RUSC2: variants seen among roughly 807,000 people sequenced by gnomAD.
RUSC2 encodes RUN and SH3 domain containing 2.
A neutral mutation model predicts 122.2 loss-of-function variants in RUSC2; 34 were observed. The ratio of observed to expected loss-of-function variants is 0.28; its 90% CI spans 0.21 to 0.37. RUSC2 has a LOEUF of 0.37. RUSC2 is among the 10% of genes least tolerant of loss of function. The pLI is 1.00. For synonymous variants in RUSC2, 784 were observed against 790.0 expected (o/e 0.99, Z 0.13); for missense variants, 1,747 against 1,952.4 (o/e 0.89, Z 1.98).
intron 1 of RUSC2, among the ~76,000 whole-genome samples, chr9:35,523,823 A>T (rs1023940078): frequency 3.9e-4 from 57 of 146,130 alleles, no homozygotes; most frequent in Non-Finnish European, 5.9e-4. Context: ...TCAAAAAATT[A>T]AAAAAAAAAA....
At chr9:35,504,646 G>T (rs1185557634) in intron 1 of RUSC2, among the ~76,000 whole-genome samples, 1 of 151,974 alleles carries the variant, frequency 6.6e-6, no homozygotes, top group Non-Finnish European at 1.5e-5. Flanking sequence ...TGTATTTTTA[G>T]TAGAGACAGG....
Position 35,548,740 on chromosome 9 carries a change from A to C in RUSC2, c.2014+205A>C. 2.0e-6 allele frequency: 2 copies of C among 985,268 alleles called. No individual in the cohort carries two copies. Among genetic ancestry groups the C allele is most frequent in the Non-Finnish European group, 2.4e-6 (2 of 829,848 alleles). The allele number at this position is 985,268 out of a possible 1,614,324, so 61.0% of individuals were successfully genotyped here. A position where few individuals can be genotyped will look rare whatever the true frequency, so the allele number is the denominator to read the frequency against. On this transcript the variant is annotated intron_variant, in intron 2 of 11. Transcript: ENST00000361226. This position sits in a 1 kb window ranked among gnomAD's most constrained non-coding sequence, Gnocchi z 4.5. ...AGAAAGACAGAGGACTCAAAAATAC[A>C]CTGAGCAGACTGGGTGCAGTGACTC...
At position 35,548,022 on chromosome 9, in the gene RUSC2, C is replaced by T. The variant is rs267602223; in HGVS notation, c.1501C>T (p.Arg501Cys). 9.3e-6 allele frequency: 15 copies of T among 1,613,852 alleles called. No individual in the cohort carries two copies. The highest frequency in any genetic ancestry group is 2.2e-5 in the East Asian group (1 of 44,874). ...ACGTCAGCGCTCCCGCAGCTATGAT[C>T]GCAGCCTGCAGCGCAGCCCTCCTGT... ...TGRQRSRSYDRSLQRSPPVRL... is the reference protein window; with the variant it reads ...TGRQRSRSYDCSLQRSPPVRL... Residue 501 changes from arginine (R) to cysteine (C), a missense_variant, in exon 2 of 12, where the codon CGC becomes TGC. Arg to Cys is a radical substitution (Grantham distance 180). Transcript: ENST00000361226. The surrounding 1 kb of genome is among the most constrained non-coding windows in gnomAD (Gnocchi z 4.5).
chr9:35,519,867 TAGTG>T (rs1821179266), intron 1 of RUSC2, among the ~76,000 whole-genome samples: 1 of 152,178 alleles, frequency 6.6e-6, no homozygotes, highest in Non-Finnish European at 1.5e-5. Flanking sequence ...GCTGAAGTTT[TAGTG>T]AGGTTGAGTG....
intron 1 of RUSC2, among the ~76,000 whole-genome samples, chr9:35,519,045 G>A (rs943317316): frequency 1.3e-5 from 2 of 152,166 alleles, no homozygotes; most frequent in Middle Eastern, 3.2e-3. Context: ...CCAGAGGTTT[G>A]GCACTAGACA....
At position 35,546,556 on chromosome 9, in the gene RUSC2, T is replaced by G; in HGVS notation, c.35T>G (p.Leu12Arg). The change falls in exon 2 of 12, where the codon CTC becomes CGC. Residue 12 changes from leucine to arginine, a missense_variant. By Grantham distance (102) the Leu-to-Arg change is moderately radical. Coordinates refer to ENST00000361226, the MANE Select transcript of RUSC2 (RefSeq NM_014806.5). The surrounding 1 kb of genome is among the most constrained non-coding windows in gnomAD (Gnocchi z 4.3). ...DSPPKLTGET[L>R]IVHHIPLVHC... ...CCCCCAAAGCTGACTGGAGAGACCC[T>G]CATCGTTCATCACATCCCCCTGGTG... 6.7e-7 allele frequency: 1 copy of G among 1,485,528 alleles called. No individual in the cohort carries two copies. The highest frequency in any genetic ancestry group is 8.9e-7 in the Non-Finnish European group (1 of 1,117,458). 92.0% of individuals were successfully genotyped at this position (1,485,528 alleles called of 1,614,324 possible). A position where few individuals can be genotyped will look rare whatever the true frequency, so the allele number is the denominator to read the frequency against.
intron 1 of RUSC2, among the ~76,000 whole-genome samples, chr9:35,525,816 G>T (rs1176842996): frequency 1.3e-5 from 2 of 152,124 alleles, no homozygotes; most frequent in Non-Finnish European, 2.9e-5. Context: ...CAGGTGTGGT[G>T]GCTTCTGCCT....
rs117007623 is a variant in RUSC2, at chr9:35,514,947, C to T, written c.-93+24775C>T. Among the ~76,000 whole-genome samples, 22 of 152,266 alleles carry T rather than the reference C, an allele frequency of 1.4e-4. No individual in the cohort carries two copies. In the East Asian group the frequency reaches 2.7e-3, roughly 19 times the overall value. On this transcript the variant is annotated intron_variant, in intron 1 of 11. Transcript: ENST00000361226. ...TGCACACAACAATTCCACCATAACTCGGTCAAATGGCCACCCCTACTTGCA... is the reference window on the plus strand; with the variant it reads ...TGCACACAACAATTCCACCATAACTTGGTCAAATGGCCACCCCTACTTGCA...
chr9:35,521,909 G>A (rs1821223186), intron 1 of RUSC2, among the ~76,000 whole-genome samples: 1 of 151,450 alleles, frequency 6.6e-6, no homozygotes, highest in South Asian at 2.1e-4. Context: ...CCTGGGCATT[G>A]GCTGCTATTC....
intron 1 of RUSC2, among the ~76,000 whole-genome samples, chr9:35,537,685 G>A (rs1361597571): frequency 6.6e-6 from 1 of 152,240 alleles, no homozygotes; most frequent in Non-Finnish European, 1.5e-5. Context: ...GATCCTGAGG[G>A]ATAGCTGTTA....
At chr9:35,508,663 C>G (rs1820960191) in intron 1 of RUSC2, among the ~76,000 whole-genome samples, 1 of 152,188 alleles carries the variant, frequency 6.6e-6, no homozygotes, top group Non-Finnish European at 1.5e-5. Context: ...CATTGCTATA[C>G]AAATGGAACT....
rs1325669168 is a variant in RUSC2, at chr9:35,547,139, G to A, written c.618G>A (p.Gly206=). The change falls in exon 2 of 12, where the codon GGG becomes GGA. Residue 206 remains glycine (G), a synonymous_variant. Transcript: ENST00000361226. This position sits in a 1 kb window ranked among gnomAD's most constrained non-coding sequence, Gnocchi z 4.6. ...AGACTATGGAGCTGGATGAGTGTGG[G>A]GGACCTGGTGGGAGTGGCAGTGGGG... ...EAETMELDEC[G]GPGGSGSGGG... The A allele has an allele frequency of 6.2e-7, 1 of 1,614,186 alleles. No homozygotes were observed. The highest frequency in any genetic ancestry group is 1.7e-5 in the Admixed American group (1 of 60,032).
chr9:35,510,810 TG>T (rs1375047169), intron 1 of RUSC2, among the ~76,000 whole-genome samples: 1 of 152,242 alleles, frequency 6.6e-6, no homozygotes, highest in Non-Finnish European at 1.5e-5. Context: ...CTCCTTTGGG[TG>T]GGCCCCTAGG....
chr9:35,502,900 GC>G (rs1820842922), intron 1 of RUSC2, among the ~76,000 whole-genome samples: 2 of 151,916 alleles, frequency 1.3e-5, no homozygotes, highest in African/African-American at 4.8e-5. Flanking sequence ...TGCTCTTGCT[GC>G]CCAGTCTGAA....
At chr9:35,518,481 G>A (rs1292717428) in intron 1 of RUSC2, among the ~76,000 whole-genome samples, 1 of 152,164 alleles carries the variant, frequency 6.6e-6, no homozygotes, top group Non-Finnish European at 1.5e-5. Flanking sequence ...TGCCTGATGG[G>A]GCAAGTAGAC....
intron 1 of RUSC2, among the ~76,000 whole-genome samples, chr9:35,505,434 G>GA (rs1225517764): frequency 1.3e-5 from 2 of 152,072 alleles, no homozygotes; most frequent in Admixed American, 1.3e-4. Context: ...TGACCCTCCT[G>GA]AAACTTTTCT....
intron 4 of RUSC2, 21 bp from the exon 5 acceptor site, chr9:35,556,287 T>A (rs1291892224): frequency 6.2e-7 from 1 of 1,613,236 alleles, no homozygotes; most frequent in African/African-American, 1.3e-5. Flanking sequence ...TGCTCAGGAT[T>A]GATTTTTCTC....
intron 1 of RUSC2, among the ~76,000 whole-genome samples, chr9:35,490,593 C>G (rs1438710394): frequency 6.6e-6 from 1 of 152,204 alleles, no homozygotes; most frequent in Non-Finnish European, 1.5e-5. Flanking sequence ...GCCCGGCACC[C>G]AGGCCGGCGA....
chr9:35,492,985 G>A (rs1318855374), intron 1 of RUSC2, among the ~76,000 whole-genome samples: 1 of 151,142 alleles, frequency 6.6e-6, no homozygotes, highest in Non-Finnish European at 1.5e-5. Flanking sequence ...TTGTTTTTTG[G>A]GTTTTTTTTT....
Sources: gnomAD v4.1 joint callset for allele counts (sites outside exome capture counted in the v4.1 genomes callset) on GRCh38, gnomAD v4.1.1 for gene constraint, Gnocchi (gnomAD v3.1) non-coding constraint, MANE v1.5 for transcripts, NCBI Gene and HGNC (gene_info 2026-07-23, HGNC 2026-07-21) for gene names.